FAT4: variants seen among roughly 807,000 people sequenced by gnomAD.
FAT4 encodes the protein protocadherin Fat 4.
A neutral mutation model predicts 303.9 loss-of-function variants in FAT4; 84 were observed. That is an observed-to-expected ratio of 0.28 (90% CI 0.23 to 0.33). FAT4 has a LOEUF of 0.33. Ranked by LOEUF, FAT4 falls within the 10% of genes least tolerant of loss-of-function variation. The pLI, the probability that FAT4 is intolerant of heterozygous loss-of-function variation, is 1.00. For missense variants in FAT4, 6,005 were observed against 6,146.8 expected (o/e 0.98, Z 0.77); for synonymous variants, 2,307 against 2,298.8 (o/e 1.00, Z -0.10).
chr4:125,327,433 T>C (rs540459115), intron 2 of FAT4, among the ~76,000 whole-genome samples: 20 of 152,334 alleles, frequency 1.3e-4, no homozygotes, highest in Non-Finnish European at 2.6e-4. Flanking sequence ...CTGCTTCCTA[T>C]GTGTTTGAAG....
Position 125,481,591 on chromosome 4 carries a change from G to C in FAT4, c.12675G>C (p.Glu4225Asp). Residue 4225 changes from glutamate to aspartate, a missense_variant, in exon 16 of 18, where the codon GAG (glutamate) becomes GAC (aspartate). Physicochemically the swap from Glu to Asp is conservative, Grantham distance 45. Transcript: ENST00000394329. ...GRLDYHMSQN[E>D]KREYLLRQSL... ...TGGACTACCACATGAGTCAGAATGA[G>C]AAGCGGGAATATTTGTTAAGGCAAA... 1 of 1,614,042 alleles carries C rather than the reference G, an allele frequency of 6.2e-7. No homozygotes were observed. Among genetic ancestry groups the C allele is most frequent in the Non-Finnish European group, 8.5e-7 (1 of 1,179,946 alleles).
chr4:125,352,415 T>C (rs865898891), intron 2 of FAT4, among the ~76,000 whole-genome samples: 1 of 151,696 alleles, frequency 6.6e-6, no homozygotes, highest in Non-Finnish European at 1.5e-5. Context: ...TTATTTTTAA[T>C]ATAATAATTT....
chr4:125,446,350 C>A lies in FAT4; in HGVS notation c.7257C>A (p.Ile2419=), dbSNP rs1364166483. The part of the protein sequence containing the change: ...QFTINPSTGQ[I]ITSALLDRET... ...CGATCAACCCATCGACAGGACAAAT[C>A]ATCACCAGCGCATTGTTAGATAGGG... Residue 2419 remains isoleucine (I), a synonymous_variant, in exon 9 of 18, where the codon ATC becomes ATA. Transcript: ENST00000394329. 1 of 1,613,092 alleles carries A rather than the reference C, an allele frequency of 6.2e-7. No individual in the cohort carries two copies. Among genetic ancestry groups the A allele is most frequent in the African/African-American group, 1.3e-5 (1 of 74,868 alleles).
At chr4:125,327,982 G>T (rs1024885557) in intron 2 of FAT4, among the ~76,000 whole-genome samples, 5 of 152,080 alleles carry the variant, frequency 3.3e-5, no homozygotes, top group African/African-American at 1.2e-4. Flanking sequence ...TGTATTTCAA[G>T]AATTAATAAA....
chr4:125,468,706 G>A lies in FAT4; in HGVS notation c.12100G>A (p.Glu4034Lys), dbSNP rs1277850395. 15 of 1,613,996 alleles carry A rather than the reference G, an allele frequency of 9.3e-6. No homozygotes were observed. The highest frequency in any genetic ancestry group is 1.7e-5 in the Admixed American group (1 of 59,990). The change falls in exon 12 of 18, where the codon GAA (glutamate) becomes AAA (lysine). Residue 4034 changes from glutamate (E) to lysine (K), a missense_variant. By Grantham distance (56) the Glu-to-Lys change is moderately conservative. Transcript: ENST00000394329. ...TGAGTTTTTGGCCCTTGAAATTGCC[G>A]AAGAAAGACTAAGATTCTCTTATAA... Reference protein sequence around the residue: ...RAEFLALEIAEERLRFSYNLG... With the variant: ...RAEFLALEIAKERLRFSYNLG...
intron 5 of FAT4, among the ~76,000 whole-genome samples, chr4:125,409,885 A>T (rs548720398): frequency 1.1e-4 from 17 of 152,308 alleles, no homozygotes; most frequent in African/African-American, 3.8e-4. Context: ...TCATCAATAT[A>T]TAAAACAAGG....
intron 8 of FAT4, among the ~76,000 whole-genome samples, chr4:125,444,239 G>A (rs1725753168): frequency 6.6e-6 from 1 of 152,074 alleles, no homozygotes; most frequent in Non-Finnish European, 1.5e-5. Flanking sequence ...CTGGAGGCTG[G>A]GAAGTCTAAG....
chr4:125,487,506 A>G lies in FAT4; in HGVS notation c.12984A>G (p.Arg4328=). 1 of 1,614,086 alleles carries G rather than the reference A, an allele frequency of 6.2e-7. No individual in the cohort carries two copies. The highest frequency in any genetic ancestry group is 1.1e-5 in the South Asian group (1 of 91,068). Residue 4328 remains arginine, a synonymous_variant, in exon 17 of 18, where the codon AGA becomes AGG. Coordinates refer to ENST00000394329, the MANE Select transcript of FAT4 (RefSeq NM_001291303.3). The part of the protein sequence containing the change: ...TVLSVDRIYN[R]DIIHPTQDFG... ...TGTCTGTTGACAGAATATATAACAG[A>G]GATATTATCCACCCTACTCAGGACT...
chr4:125,395,939 T>A (rs1734152307), intron 2 of FAT4, among the ~76,000 whole-genome samples: 1 of 152,142 alleles, frequency 6.6e-6, no homozygotes, highest in Admixed American at 6.5e-5. Context: ...TATGTAGTGA[T>A]CCCCTAGTTT....
At chr4:125,460,685 T>C (rs1019447901) in intron 10 of FAT4, among the ~76,000 whole-genome samples, 1 of 152,122 alleles carries the variant, frequency 6.6e-6, no homozygotes, top group Non-Finnish European at 1.5e-5. Context: ...CAATCTGTCA[T>C]TTATCAGCAT....
At chr4:125,421,501 A>T (rs1724887259) in intron 7 of FAT4, among the ~76,000 whole-genome samples, 1 of 152,180 alleles carries the variant, frequency 6.6e-6, no homozygotes, top group African/African-American at 2.4e-5. Context: ...TTAACTCAAG[A>T]TGAGATTATA....
intron 2 of FAT4, among the ~76,000 whole-genome samples, chr4:125,356,042 C>T (rs1311181347): frequency 6.6e-6 from 1 of 151,964 alleles, no homozygotes; most frequent in Non-Finnish European, 1.5e-5. Context: ...TAAACAGACC[C>T]TGAGTGGAAG....
At chr4:125,391,430 A>G (rs1733974246) in intron 2 of FAT4, among the ~76,000 whole-genome samples, 1 of 152,132 alleles carries the variant, frequency 6.6e-6, no homozygotes, top group African/African-American at 2.4e-5. Flanking sequence ...AGAAAACCAT[A>G]TTCTGCATGC....
chr4:125,337,915 C>CT, intron 2 of FAT4, among the ~76,000 whole-genome samples: 1 of 152,230 alleles, frequency 6.6e-6, no homozygotes, highest in South Asian at 2.1e-4. Flanking sequence ...TCAGTTGCCT[C>CT]TTTTGTGAAA....
At chr4:125,481,303 G>A (rs1489537953) in intron 15 of FAT4, among the ~76,000 whole-genome samples, 1 of 152,140 alleles carries the variant, frequency 6.6e-6, no homozygotes, top group Admixed American at 6.5e-5. Context: ...CTGTCATAGA[G>A]TATTTTAAGT....
At chr4:125,355,577 A>G (rs1247929027) in intron 2 of FAT4, among the ~76,000 whole-genome samples, 1 of 152,042 alleles carries the variant, frequency 6.6e-6, no homozygotes, top group Non-Finnish European at 1.5e-5. Context: ...ATGAGGAAAC[A>G]CCTATGTTTG....
At chr4:125,394,159 T>C (rs959326845) in intron 2 of FAT4, among the ~76,000 whole-genome samples, 1 of 152,192 alleles carries the variant, frequency 6.6e-6, no homozygotes, top group African/African-American at 2.4e-5. Context: ...GGATCATGAA[T>C]CTTCATCTTT....
In FAT4 at chr4:125,448,825, C is replaced by A. The variant is rs201257189; in HGVS notation, c.7815C>A (p.Ile2605=). The A allele has an allele frequency of 5.0e-6, 8 of 1,608,708 alleles. No homozygotes were observed. The Admixed American group carries it at 1.2e-4, about 23-fold the overall frequency. The change falls in exon 10 of 18, where the codon ATC becomes ATA. Residue 2605 remains isoleucine, a synonymous_variant. Transcript: ENST00000394329. ...SLRGEPMSYY[I]ASGNLGNTFQ... ...GAGGAGAACCTATGTCATATTATAT[C>A]GCAAGTGGGAATCTTGGCAATACTT...
chr4:125,454,813 G>A lies in FAT4; in HGVS notation c.11800+2003G>A, dbSNP rs1020000137. Among the ~76,000 whole-genome samples the A allele has an allele frequency of 1.6e-4, 25 of 152,094 alleles. 1 individual carries two copies. Among genetic ancestry groups the A allele is most frequent in the East Asian group, 1.9e-4 (1 of 5,188 alleles). Reference sequence around the variant, plus strand: ...GCGCCATTGCACTCCAGCCCAGGCCGACAACAGTAAGACTCCATTTCAAAA... The same window carrying A: ...GCGCCATTGCACTCCAGCCCAGGCCAACAACAGTAAGACTCCATTTCAAAA... On this transcript the variant is annotated intron_variant, in intron 10 of 17. Coordinates refer to ENST00000394329, the MANE Select transcript of FAT4 (RefSeq NM_001291303.3).
Sources: gnomAD v4.1 joint callset for allele counts (sites outside exome capture counted in the v4.1 genomes callset) on GRCh38, gnomAD v4.1.1 for gene constraint, MANE v1.5 for transcripts, NCBI Gene and HGNC (gene_info 2026-07-23, HGNC 2026-07-21) for gene names.